MSH3: variants seen among roughly 807,000 people sequenced by gnomAD.
MSH3 encodes the protein mutS homolog 3.
In MSH3, 106 loss-of-function variants were observed where a neutral mutation model predicts 123.3. That is an observed-to-expected ratio of 0.86 (90% CI 0.73 to 1.01). The LOEUF (loss-of-function observed/expected upper bound fraction) is 1.01. Ranked by LOEUF, MSH3 falls within the 50% of genes least tolerant of loss-of-function variation. MSH3 has a pLI of 0.00. For missense variants in MSH3, 1,459 were observed against 1,347.6 expected, an observed-to-expected ratio of 1.08 and a Z score of -1.29; for synonymous variants, 515 against 481.4, an observed-to-expected ratio of 1.07 and a Z score of -0.91.
intron 17 of MSH3, among the ~76,000 whole-genome samples, chr5:80,782,314 A>C (rs1744424681): frequency 1.3e-5 from 2 of 151,740 alleles, no homozygotes; most frequent in Admixed American, 1.3e-4. Context: ...TATTCAAGGA[A>C]TGAAAAGGAT....
chr5:80,754,324 T>C (rs1233445613), intron 12 of MSH3, among the ~76,000 whole-genome samples: 1 of 152,046 alleles, frequency 6.6e-6, no homozygotes, highest in African/African-American at 2.4e-5. Context: ...CCTTATTACA[T>C]AGATGGAGCC....
intron 15 of MSH3, among the ~76,000 whole-genome samples, chr5:80,774,980 G>A (rs895615654): frequency 1.4e-4 from 22 of 152,140 alleles, no homozygotes; most frequent in Non-Finnish European, 1.6e-4. Context: ...TAGCACAAAA[G>A]ATAAATGCTT....
chr5:80,842,153 T>C (rs1341912999), intron 20 of MSH3, among the ~76,000 whole-genome samples: 2 of 152,226 alleles, frequency 1.3e-5, no homozygotes, highest in African/African-American at 4.8e-5. Context: ...CACCATTTAT[T>C]AAGTAGGGAA....
chr5:80,657,884 A>G (rs911211448), intron 2 of MSH3, among the ~76,000 whole-genome samples: 2 of 152,072 alleles, frequency 1.3e-5, no homozygotes, highest in Non-Finnish European at 2.9e-5. Flanking sequence ...GCCACGGTTA[A>G]TGTTACAATT....
intron 8 of MSH3, among the ~76,000 whole-genome samples, chr5:80,717,558 CTATTT>C (rs953120926): frequency 3.9e-5 from 6 of 152,100 alleles, no homozygotes; most frequent in African/African-American, 7.2e-5. Flanking sequence ...GCTAGTAGGT[CTATTT>C]TAAGTTTTTT....
chr5:80,821,568 T>C (rs1464318100), intron 20 of MSH3, among the ~76,000 whole-genome samples: 1 of 152,204 alleles, frequency 6.6e-6, no homozygotes, highest in East Asian at 1.9e-4. Context: ...TAAAAAGAAA[T>C]ATGCAGATTA....
chr5:80,744,942 G>A (rs531133480), intron 12 of MSH3, among the ~76,000 whole-genome samples: 3 of 152,260 alleles, frequency 2.0e-5, no homozygotes, highest in African/African-American at 7.2e-5. Context: ...GCATGGGGCT[G>A]ATATCATCAG....
intron 20 of MSH3, among the ~76,000 whole-genome samples, chr5:80,818,096 G>A (rs1745137269): frequency 6.6e-6 from 1 of 152,126 alleles, no homozygotes; most frequent in South Asian, 2.1e-4. Flanking sequence ...GCAAGCACCT[G>A]TAATCCCAGC....
chr5:80,680,730 C>T (rs1367483807), intron 8 of MSH3, among the ~76,000 whole-genome samples: 2 of 152,068 alleles, frequency 1.3e-5, no homozygotes, highest in Non-Finnish European at 2.9e-5. Context: ...TTTCTACACT[C>T]CCTCCCCTTT....
intron 2 of MSH3, among the ~76,000 whole-genome samples, chr5:80,660,746 C>T (rs1749415789): frequency 6.6e-6 from 1 of 151,980 alleles, no homozygotes; most frequent in African/African-American, 2.4e-5. Flanking sequence ...GTTTGATTTT[C>T]TTTCTGCCCC....
At chr5:80,763,772 T>C (rs1037601169) in intron 13 of MSH3, among the ~76,000 whole-genome samples, 1 of 152,242 alleles carries the variant, frequency 6.6e-6, no homozygotes, top group African/African-American at 2.4e-5. Flanking sequence ...TTGTAAACTT[T>C]ACTTTGATGT....
chr5:80,875,287 A>G (rs951056164), intron 23 of MSH3, among the ~76,000 whole-genome samples: 4 of 152,110 alleles, frequency 2.6e-5, no homozygotes, highest in Admixed American at 2.6e-4. Context: ...CCATACCCTA[A>G]ATAGTCAATT....
chr5:80,854,966 T>A (rs1442307917), intron 21 of MSH3, among the ~76,000 whole-genome samples: 1 of 152,182 alleles, frequency 6.6e-6, no homozygotes, highest in Non-Finnish European at 1.5e-5. Flanking sequence ...TTCACCAACA[T>A]CCTGAAGGAT....
chr5:80,750,627 C>G (rs1314723021), intron 12 of MSH3, among the ~76,000 whole-genome samples: 1 of 152,080 alleles, frequency 6.6e-6, no homozygotes, highest in African/African-American at 2.4e-5. Context: ...GGTATATTAG[C>G]CCCTTATCCA....
intron 12 of MSH3, 35 bp from the exon 13 acceptor site, chr5:80,761,511 C>T (rs778185369): frequency 6.2e-7 from 1 of 1,612,946 alleles, no homozygotes; most frequent in Non-Finnish European, 8.5e-7. Context: ...GAATTCCTAA[C>T]ATATCTGATT....
intron 8 of MSH3, among the ~76,000 whole-genome samples, chr5:80,698,270 A>G (rs1330873583): frequency 6.6e-6 from 1 of 152,172 alleles, no homozygotes; most frequent in African/African-American, 2.4e-5. Flanking sequence ...TAAGTTGAAC[A>G]TTATTATACA....
chr5:80,740,684 TA>T, intron 10 of MSH3, among the ~76,000 whole-genome samples: 1 of 150,492 alleles, frequency 6.6e-6, no homozygotes. Context: ...AATTACAGAG[TA>T]AATAACACTT....
chr5:80,717,583 C>T (rs1459635064), intron 8 of MSH3, among the ~76,000 whole-genome samples: 4 of 152,130 alleles, frequency 2.6e-5, no homozygotes, highest in African/African-American at 9.7e-5. Flanking sequence ...TAAGGAACCT[C>T]CATACTATTT....
At chr5:80,813,195 C>A (rs776410371) in intron 19 of MSH3, among the ~76,000 whole-genome samples, 1 of 152,106 alleles carries the variant, frequency 6.6e-6, no homozygotes, top group African/African-American at 2.4e-5. Flanking sequence ...ACATGTGCTG[C>A]CAACCCCAAA....
Sources: allele counts gnomAD v4.1 joint callset (sites outside exome capture counted in the v4.1 genomes callset), GRCh38; gene constraint gnomAD v4.1.1; transcripts MANE v1.5; gene names NCBI Gene and HGNC (gene_info 2026-07-23, HGNC 2026-07-21).